Variants in GRM1 observed in about 807,000 individuals in gnomAD.
GRM1 encodes the protein glutamate metabotropic receptor 1, also known as metabotropic glutamate receptor 1.
GRM1 carries 33 observed loss-of-function variants against 90.9 expected under a neutral mutation model. That is an observed-to-expected ratio of 0.36 (90% CI 0.28 to 0.49). The LOEUF (loss-of-function observed/expected upper bound fraction) is 0.49, where lower values mean the gene tolerates loss of function less well. Among genes scored for constraint, GRM1 ranks in the 20% least tolerant of loss-of-function variants. The probability of loss-of-function intolerance (pLI) is 0.99; values close to 1 mark genes in which losing one functional copy is unlikely to be tolerated. For missense variants in GRM1, 1,190 were observed against 1,534.3 expected (o/e 0.78, Z 3.75); for synonymous variants, 700 against 613.2 (o/e 1.14, Z -2.09).
chr6:146,072,511 A>C (rs1395840883), intron 1 of GRM1, among the ~76,000 whole-genome samples: 3 of 152,192 alleles, frequency 2.0e-5, no homozygotes, highest in Non-Finnish European at 4.4e-5. Flanking sequence ...AAGTATATAA[A>C]TAAACAAAAC....
intron 2 of GRM1, among the ~76,000 whole-genome samples, chr6:146,256,003 C>G (rs1781464395): frequency 6.6e-6 from 1 of 152,108 alleles, no homozygotes; most frequent in South Asian, 2.1e-4. Context: ...TGTATCCTAA[C>G]CAGTAGGCAT....
At chr6:146,319,543 A>C (rs968916188) in intron 3 of GRM1, among the ~76,000 whole-genome samples, 4 of 152,166 alleles carry the variant, frequency 2.6e-5, no homozygotes, top group African/African-American at 9.7e-5. Context: ...CATTGAATCT[A>C]TAAATTACCT....
intron 2 of GRM1, among the ~76,000 whole-genome samples, chr6:146,267,942 C>T (rs537032221): frequency 6.6e-6 from 1 of 152,068 alleles, no homozygotes; most frequent in African/African-American, 2.4e-5. Context: ...GAGTATTAAC[C>T]ATCACAAGTC....
chr6:146,398,916 C>G lies in GRM1; in HGVS notation c.1877C>G (p.Ser626Cys). 1 of 1,614,070 alleles carries G rather than the reference C, an allele frequency of 6.2e-7. No individual in the cohort carries two copies. The highest frequency in any genetic ancestry group is 8.5e-7 in the Non-Finnish European group (1 of 1,179,978). ...LYRDTPVVKS[S>C]SRELCYIILA... The stretch of plus-strand genomic sequence containing the variant: ...CGGGACACACCAGTGGTCAAATCCT[C>G]CAGTCGGGAGCTCTGCTACATCATC... Residue 626 changes from serine (S) to cysteine (C), a missense_variant, in exon 7 of 8, where the codon TCC becomes TGC. Ser to Cys is a moderately radical substitution (Grantham distance 112). Coordinates refer to ENST00000282753, the MANE Select transcript of GRM1 (RefSeq NM_001278064.2).
intron 7 of GRM1, among the ~76,000 whole-genome samples, chr6:146,406,847 A>AAAC (rs1342128659): frequency 6.6e-6 from 1 of 152,046 alleles, no homozygotes; most frequent in Non-Finnish European, 1.5e-5. Context: ...AAACAACAAC[A>AAAC]AACAACAACA....
chr6:146,430,320 C>T lies in GRM1; in HGVS notation c.2661-3552C>T, dbSNP rs536345058. ...CCTAGCTGTCCACACAGTAACTATA[C>T]ATTATCCTATACATCCTGTAGGCCT... On this transcript the variant is annotated intron_variant, in intron 7 of 7. Transcript: ENST00000282753. Among the ~76,000 whole-genome samples the T allele has an allele frequency of 4.9e-4, 74 of 152,334 alleles. 3 individuals carry two copies. The South Asian group carries it at 0.014, about 29-fold the overall frequency.
intron 1 of GRM1, among the ~76,000 whole-genome samples, chr6:146,103,886 C>T (rs1278299130): frequency 1.3e-5 from 2 of 152,012 alleles, no homozygotes; most frequent in East Asian, 3.9e-4. Context: ...GCACAATGCG[C>T]TTAGGGAACA....
intron 2 of GRM1, among the ~76,000 whole-genome samples, chr6:146,296,815 C>G (rs78960612): frequency 4.6e-5 from 7 of 152,284 alleles, no homozygotes; most frequent in African/African-American, 1.7e-4. Context: ...GACTTCAAGC[C>G]TCCTCAGGCA....
intron 2 of GRM1, among the ~76,000 whole-genome samples, chr6:146,179,173 G>T (rs544446243): frequency 1.3e-5 from 2 of 152,124 alleles, no homozygotes; most frequent in Non-Finnish European, 2.9e-5. Flanking sequence ...ACACTCTCAC[G>T]TGCACATGTG....
chr6:146,420,259 T>G (rs1235077447), intron 7 of GRM1, among the ~76,000 whole-genome samples: 1 of 152,178 alleles, frequency 6.6e-6, no homozygotes, highest in Admixed American at 6.5e-5. Context: ...AAACACATGA[T>G]CAAGGCTCCC....
chr6:146,326,091 C>T lies in GRM1; in HGVS notation c.1186+21245C>T, dbSNP rs1784389869. Among the ~76,000 whole-genome samples, 3 of 152,098 alleles carry T rather than the reference C, an allele frequency of 2.0e-5. No individual in the cohort carries two copies. The South Asian group carries it at 6.2e-4, about 32-fold the overall frequency. On this transcript the variant is annotated intron_variant, in intron 3 of 7. Coordinates refer to ENST00000282753, the MANE Select transcript of GRM1 (RefSeq NM_001278064.2). Reference sequence around the variant, plus strand: ...GTGGTCATAAGCCTATTGGAATTGACTTAATTGAAAACAAAAATAGAAACA... The same window carrying T: ...GTGGTCATAAGCCTATTGGAATTGATTTAATTGAAAACAAAAATAGAAACA...
chr6:146,130,140 C>A (rs1471859547), intron 1 of GRM1, among the ~76,000 whole-genome samples: 1 of 152,086 alleles, frequency 6.6e-6, no homozygotes, highest in African/African-American at 2.4e-5. Flanking sequence ...ACTCACACTG[C>A]AATGGCTGAA....
At chr6:146,356,420 AG>A (rs34704771) in intron 4 of GRM1, among the ~76,000 whole-genome samples, 30,075 of 151,868 alleles carry the variant, frequency 0.2, 3,268 homozygotes, top group South Asian at 0.27. Flanking sequence ...GTGTGGTGGA[AG>A]GGGGCTAGAA....
chr6:146,186,338 T>C (rs950909932), intron 2 of GRM1, among the ~76,000 whole-genome samples: 1 of 152,096 alleles, frequency 6.6e-6, no homozygotes, highest in African/African-American at 2.4e-5. Flanking sequence ...GCCTTTGTTG[T>C]TCAAAGACTA....
chr6:146,256,891 G>T (rs1432360654), intron 2 of GRM1, among the ~76,000 whole-genome samples: 1 of 152,132 alleles, frequency 6.6e-6, no homozygotes, highest in Admixed American at 6.5e-5. Context: ...TCCCAGGGGT[G>T]TTCATGGCCC....
intron 6 of GRM1, among the ~76,000 whole-genome samples, chr6:146,395,865 T>C (rs1206208305): frequency 1.3e-5 from 2 of 152,076 alleles, no homozygotes; most frequent in East Asian, 3.9e-4. Flanking sequence ...ATTCAGAAGG[T>C]TACCAAAGCC....
chr6:146,316,710 G>GCGTC (rs1783984179), intron 3 of GRM1, among the ~76,000 whole-genome samples: 1 of 152,104 alleles, frequency 6.6e-6, no homozygotes, highest in African/African-American at 2.4e-5. Context: ...ATCCTCCTTG[G>GCGTC]CGTCCTCTGA....
chr6:146,385,423 A>G (rs913343310), intron 5 of GRM1, among the ~76,000 whole-genome samples: 1 of 151,958 alleles, frequency 6.6e-6, no homozygotes, highest in African/African-American at 2.4e-5. Flanking sequence ...AATAGAATAT[A>G]TATATACGGT....
intron 5 of GRM1, among the ~76,000 whole-genome samples, chr6:146,364,075 C>T (rs1471864683): frequency 6.6e-6 from 1 of 152,222 alleles, no homozygotes; most frequent in Non-Finnish European, 1.5e-5. Context: ...TGATTTGCTT[C>T]TAGGTCACAT....
Sources: gnomAD v4.1 joint callset for allele counts (sites outside exome capture counted in the v4.1 genomes callset) on GRCh38, gnomAD v4.1.1 for gene constraint, MANE v1.5 for transcripts, NCBI Gene and HGNC (gene_info 2026-07-23, HGNC 2026-07-21) for gene names.